Variants in COL5A1 observed in about 807,000 individuals in gnomAD.
COL5A1 encodes collagen alpha-1(V) chain.
Under a neutral mutation model 263.7 loss-of-function variants are expected in COL5A1, and 16 were observed. The observed-to-expected ratio is 0.06, with a 90% CI of 0.04 to 0.09. COL5A1 has a LOEUF of 0.09. Ranked by LOEUF, COL5A1 falls within the 10% of genes least tolerant of loss-of-function variation. The pLI, the probability that COL5A1 is intolerant of heterozygous loss-of-function variation, is 1.00. For missense variants in COL5A1, 2,036 were observed against 2,540.5 expected, an observed-to-expected ratio of 0.80 and a Z score of 4.27; for synonymous variants, 1,012 against 1,004.5, an observed-to-expected ratio of 1.01 and a Z score of -0.14.
chr9:134,823,872 A>G (rs1035465277), intron 61 of COL5A1, among the ~76,000 whole-genome samples: 3 of 151,276 alleles, frequency 2.0e-5, no homozygotes, highest in Admixed American at 6.6e-5. Flanking sequence ...GTGTGTGTGC[A>G]TGATGTGTGT....
intron 31 of COL5A1, among the ~76,000 whole-genome samples, chr9:134,787,844 A>G (rs1837518538): frequency 6.6e-6 from 1 of 152,114 alleles, no homozygotes; most frequent in African/African-American, 2.4e-5. Flanking sequence ...AACACCAGCC[A>G]CCCTCCTATG....
intron 65 of COL5A1, among the ~76,000 whole-genome samples, chr9:134,839,768 C>T (rs1839963155): frequency 6.6e-6 from 1 of 152,224 alleles, no homozygotes; most frequent in South Asian, 2.1e-4. Context: ...GGGTTCACCC[C>T]TGGAGGGTGT....
chr9:134,680,930 C>T lies in COL5A1; in HGVS notation c.110-9982C>T, dbSNP rs1246089252. Among the ~76,000 whole-genome samples the T allele has an allele frequency of 6.6e-6, 1 of 152,182 alleles. No individual in the cohort carries two copies. Among genetic ancestry groups the T allele is most frequent in the Non-Finnish European group, 1.5e-5 (1 of 68,022 alleles). On this transcript the variant is annotated intron_variant, in intron 1 of 65. Transcript: ENST00000371817. The surrounding 1 kb of genome is among the most constrained non-coding windows in gnomAD (Gnocchi z 5.9). Reference sequence around the variant, plus strand: ...CTCAGGTCTCCAGGTCTCCGCCTGGCACTGCAGCCTCGGGGGGCAGCGGGA... The same window carrying T: ...CTCAGGTCTCCAGGTCTCCGCCTGGTACTGCAGCCTCGGGGGGCAGCGGGA...
intron 1 of COL5A1, among the ~76,000 whole-genome samples, chr9:134,665,562 A>C (rs775733650): frequency 6.6e-6 from 1 of 152,218 alleles, no homozygotes; most frequent in East Asian, 1.9e-4. Flanking sequence ...GTTTCTGTAG[A>C]GTGGACGGCT....
intron 11 of COL5A1, among the ~76,000 whole-genome samples, chr9:134,743,765 T>A (rs1163152034): frequency 6.6e-6 from 1 of 152,164 alleles, no homozygotes; most frequent in African/African-American, 2.4e-5. Context: ...GGCTCAAACC[T>A]TCTCCCCCTC....
intron 6 of COL5A1, among the ~76,000 whole-genome samples, chr9:134,729,233 G>A (rs1027514498): frequency 6.6e-6 from 1 of 152,198 alleles, no homozygotes; most frequent in Admixed American, 6.5e-5. Context: ...GGTCCTCCCC[G>A]CTCTGGGCTG....
chr9:134,769,172 C>T (rs1256865541), intron 25 of COL5A1, among the ~76,000 whole-genome samples: 1 of 152,184 alleles, frequency 6.6e-6, no homozygotes, highest in Non-Finnish European at 1.5e-5. Context: ...ATGCAGTATG[C>T]TTTATGGTTT....
chr9:134,700,502 G>A lies in COL5A1; in HGVS notation c.491+380G>A, dbSNP rs916746340. 2.6e-5 allele frequency among the ~76,000 whole-genome samples: 4 copies of A among 152,300 alleles called. No individual in the cohort carries two copies. Among genetic ancestry groups the A allele is most frequent in the Middle Eastern group, 3.4e-3 (1 of 294 alleles). ...ACACAGGTGTGTTAGGAGTGGGAGT[G>A]AGCATGAGAAAAAGCGGGTCGTGCC... On this transcript the variant is annotated intron_variant, in intron 3 of 65. Coordinates refer to ENST00000371817, the MANE Select transcript of COL5A1 (RefSeq NM_000093.5). This position sits in a 1 kb window ranked among gnomAD's most constrained non-coding sequence, Gnocchi z 4.0.
intron 64 of COL5A1, chr9:134,832,866 T>A (rs1334567595): frequency 6.6e-6 from 1 of 152,264 alleles, no homozygotes; most frequent in Non-Finnish European, 1.5e-5. Context: ...CACTTTGGGC[T>A]TTTTCTAGTG....
intron 6 of COL5A1, among the ~76,000 whole-genome samples, chr9:134,729,825 C>G (rs11103485): frequency 0.19 from 26,209 of 139,668 alleles, 1,798 homozygotes; most frequent in East Asian, 0.34. Flanking sequence ...CATGCGGGCA[C>G]GGGTGTGCAT....
In COL5A1 at chr9:134,814,108, G is replaced by C. The variant is rs536588909; in HGVS notation, c.3906+72G>C. On this transcript the variant is annotated intron_variant, in intron 49 of 65. Transcript: ENST00000371817. ...TGTGTGGACGGGGTGCTGGGTTGGA[G>C]GCTCTGGCTCTGCCTTAGCTTTTCC... 20 of 1,440,516 alleles carry C rather than the reference G, an allele frequency of 1.4e-5. No individual in the cohort carries two copies. The African/African-American group carries it at 2.3e-4, about 16-fold the overall frequency. 89.2% of individuals were successfully genotyped at this position (1,440,516 alleles called of 1,614,324 possible).
At chr9:134,782,975 G>A (rs928140125) in intron 29 of COL5A1, among the ~76,000 whole-genome samples, 2 of 152,250 alleles carry the variant, frequency 1.3e-5, no homozygotes, top group Admixed American at 1.3e-4. Context: ...CCTCCGCCCA[G>A]TGTCCCACAC....
chr9:134,710,190 C>T (rs1014346635), intron 4 of COL5A1, among the ~76,000 whole-genome samples: 1 of 152,328 alleles, frequency 6.6e-6, no homozygotes, highest in African/African-American at 2.4e-5. Context: ...GGAGGCAAAG[C>T]CGGTGCGGCC....
intron 36 of COL5A1, 44 bp from the exon 37 acceptor site, chr9:134,798,364 T>C: frequency 6.3e-7 from 1 of 1,598,068 alleles, no homozygotes; most frequent in Non-Finnish European, 8.6e-7. Flanking sequence ...GGTGGTTGCT[T>C]CTCAGACACG....
In COL5A1 at chr9:134,824,521, C is replaced by T. The variant is rs1282481309; in HGVS notation, c.4699-79C>T. 7 of 1,581,432 alleles carry T rather than the reference C, an allele frequency of 4.4e-6. No individual in the cohort carries two copies. The Admixed American group carries it at 1.2e-4, about 27-fold the overall frequency. Reference sequence around the variant, plus strand: ...CAGGGAACCCCTGCAGATGTGGCCCCAGCTGTCCCTGCTCTGCTCATATCC... The same window carrying T: ...CAGGGAACCCCTGCAGATGTGGCCCTAGCTGTCCCTGCTCTGCTCATATCC... On this transcript the variant is annotated intron_variant, in intron 61 of 65. Transcript: ENST00000371817.
At chr9:134,714,377 A>T (rs955334112) in intron 4 of COL5A1, among the ~76,000 whole-genome samples, 14 of 149,236 alleles carry the variant, frequency 9.4e-5, no homozygotes, top group African/African-American at 3.5e-4. Flanking sequence ...GGTAATGGTC[A>T]TGATGGTAGT....
chr9:134,830,884 C>T (rs117691521), intron 64 of COL5A1, among the ~76,000 whole-genome samples: 13 of 152,316 alleles, frequency 8.5e-5, no homozygotes, highest in South Asian at 6.2e-4. Flanking sequence ...GGAACCCCAC[C>T]GGAGTTTGAT....
chr9:134,785,890 C>G (rs964116559), intron 30 of COL5A1, 105 bp from the exon 31 acceptor site: 3 of 1,075,296 alleles, frequency 2.8e-6, no homozygotes, highest in Admixed American at 2.0e-5. Flanking sequence ...GGAAACCACA[C>G]CCTCCTCCAG....
At position 134,691,072 on chromosome 9, in the gene COL5A1, G is replaced by A. The variant is rs780578418; in HGVS notation, c.270G>A (p.Leu90=). Reference sequence around the variant, plus strand: ...AGCTCAGCGCACCCACCAAGCAGCTGTACCCTGGTAAGTGCCGCACCCTTC... The same window carrying A: ...AGCTCAGCGCACCCACCAAGCAGCTATACCCTGGTAAGTGCCGCACCCTTC... The part of the protein sequence containing the change: ...DAQLSAPTKQ[L]YPASAFPEDF... Residue 90 remains leucine (L), a synonymous_variant, in exon 2 of 66, where the codon CTG becomes CTA. Transcript: ENST00000371817. 7.4e-6 allele frequency: 12 copies of A among 1,613,020 alleles called. No individual in the cohort carries two copies. In the African/African-American group the frequency reaches 1.5e-4, roughly 20 times the overall value.
Sources: gnomAD v4.1 joint callset for allele counts (sites outside exome capture counted in the v4.1 genomes callset) on GRCh38, gnomAD v4.1.1 for gene constraint, Gnocchi (gnomAD v3.1) non-coding constraint, MANE v1.5 for transcripts, NCBI Gene and HGNC (gene_info 2026-07-23, HGNC 2026-07-21) for gene names.